Variants in SOX7 observed in about 807,000 individuals in gnomAD.
The protein encoded by SOX7 is SRY-box transcription factor 7.
A neutral mutation model predicts 24.9 loss-of-function variants in SOX7; 19 were observed. The observed-to-expected ratio is 0.76, with a 90% CI of 0.53 to 1.12. SOX7 has a LOEUF of 1.12. Ranked by LOEUF, SOX7 falls within the 50% of genes most tolerant of loss-of-function variation. The pLI is 0.00. For synonymous variants in SOX7, 327 were observed against 244.5 expected (o/e 1.34, Z -3.15); for missense variants, 702 against 535.0 (o/e 1.31, Z -3.08).
intron 1 of SOX7, among the ~76,000 whole-genome samples, chr8:10,728,635 ATC>A (rs1183057331): frequency 6.6e-6 from 1 of 152,230 alleles, no homozygotes; most frequent in Non-Finnish European, 1.5e-5. Context: ...CGCAGGAAGC[ATC>A]TGTCTCCTGT....
In SOX7 at chr8:10,724,051, A is replaced by G. The variant is rs1800096114; in HGVS notation, c.*1687T>C. 1 of 152,282 alleles carries G rather than the reference A, an allele frequency of 6.6e-6. No homozygotes were observed. The highest frequency in any genetic ancestry group is 1.5e-5 in the Non-Finnish European group (1 of 68,046). The allele number at this position is 152,282 out of a possible 1,614,324, so 9.4% of individuals were successfully genotyped here. On this transcript the variant is annotated 3_prime_UTR_variant, in exon 2 of 2. Transcript: ENST00000304501. ...AGGACATCTTAGAAGGACAAAAAGGATTTATCAACAATACAAAACATAAGA... is the reference window on the plus strand; with the variant it reads ...AGGACATCTTAGAAGGACAAAAAGGGTTTATCAACAATACAAAACATAAGA...
At position 10,730,180 on chromosome 8, in the gene SOX7, CCG is replaced by C. The variant is rs978789581; in HGVS notation, c.238+14_238+15del. 3.8e-5 allele frequency: 56 copies of C among 1,492,456 alleles called. No homozygotes were observed. Among genetic ancestry groups the C allele is most frequent in the Non-Finnish European group, 4.5e-5 (51 of 1,123,382 alleles). 92.5% of individuals were successfully genotyped at this position (1,492,456 alleles called of 1,614,324 possible). A position where few individuals can be genotyped will look rare whatever the true frequency, so the allele number is the denominator to read the frequency against. ...CGCCCCCGGCCCCCAGCCCGCTCGGCCGCGCGCTCACTCACCCAGCATCTTGC... is the reference window on the plus strand; with the variant it reads ...CGCCCCCGGCCCCCAGCCCGCTCGGCCGCGCTCACTCACCCAGCATCTTGC... On this transcript the variant is annotated intron_variant, in intron 1 of 1. Coordinates refer to ENST00000304501, the MANE Select transcript of SOX7 (RefSeq NM_031439.4). This position sits in a 1 kb window ranked among gnomAD's most constrained non-coding sequence, Gnocchi z 4.8.
intron 1 of SOX7, among the ~76,000 whole-genome samples, chr8:10,728,018 T>C (rs1034258149): frequency 2.0e-5 from 3 of 152,208 alleles, no homozygotes; most frequent in Non-Finnish European, 4.4e-5. Context: ...AGCTTTCAAT[T>C]AACATCATTA....
chr8:10,730,211 G>A lies in SOX7; in HGVS notation c.223C>T (p.Leu75Phe). ...VQNPDLHNAE[L>F]SKMLGKSWKA... The stretch of plus-strand genomic sequence containing the variant: ...GCTCACTCACCCAGCATCTTGCTGA[G>A]CTCGGCGTTGTGCAGGTCCGGGTTC... The change falls in exon 1 of 2, where the codon CTC (leucine) becomes TTC (phenylalanine). Residue 75 changes from leucine (L) to phenylalanine (F), a missense_variant. By Grantham distance (22) the Leu-to-Phe change is conservative. Transcript: ENST00000304501. The surrounding 1 kb of genome is among the most constrained non-coding windows in gnomAD (Gnocchi z 4.8). 1 of 1,543,372 alleles carries A rather than the reference G, an allele frequency of 6.5e-7. No homozygotes were observed. Among genetic ancestry groups the A allele is most frequent in the South Asian group, 1.2e-5 (1 of 82,490 alleles).
chr8:10,729,796 G>A (rs963857753), intron 1 of SOX7, among the ~76,000 whole-genome samples: 1 of 152,194 alleles, frequency 6.6e-6, no homozygotes, highest in African/African-American at 2.4e-5. Flanking sequence ...GGCTTTTCCC[G>A]CTTCGGTATT....
chr8:10,728,543 A>C (rs1800198671), intron 1 of SOX7, among the ~76,000 whole-genome samples: 1 of 152,258 alleles, frequency 6.6e-6, no homozygotes, highest in Non-Finnish European at 1.5e-5. Context: ...TACATGGCTC[A>C]GCAGGAAGGA....
intron 1 of SOX7, among the ~76,000 whole-genome samples, chr8:10,728,915 T>C (rs1800206996): frequency 6.6e-6 from 1 of 152,244 alleles, no homozygotes; most frequent in African/African-American, 2.4e-5. Context: ...AAATAAAATG[T>C]TTTATTATTG....
chr8:10,726,408 G>A lies in SOX7; in HGVS notation c.497C>T (p.Ser166Phe), dbSNP rs529251430. The change falls in exon 2 of 2, where the codon TCC (serine) becomes TTC (phenylalanine). Residue 166 changes from serine to phenylalanine, a missense_variant. Coordinates refer to ENST00000304501, the MANE Select transcript of SOX7 (RefSeq NM_031439.4). Reference protein sequence around the residue: ...LGEKEDRGEYSPGTALPSLRG... With the variant: ...LGEKEDRGEYFPGTALPSLRG... ...GAGGCTGGGCAGGGCAGTGCCGGGG[G>A]AGTACTCACCCCTGTCCTCCTTCTC... The A allele has an allele frequency of 3.7e-6, 6 of 1,612,228 alleles. No individual in the cohort carries two copies. The highest frequency in any genetic ancestry group is 2.2e-5 in the East Asian group (1 of 44,850).
Position 10,725,871 on chromosome 8 carries a change from G to A in SOX7, c.1034C>T (p.Ala345Val), listed in dbSNP as rs139062329. Residue 345 changes from alanine (A) to valine (V), a missense_variant, in exon 2 of 2, where the codon GCC (alanine) becomes GTC (valine). By Grantham distance (64) the Ala-to-Val change is moderately conservative. Coordinates refer to ENST00000304501, the MANE Select transcript of SOX7 (RefSeq NM_031439.4). ...YLNTPGHPDS[A>V]TGAMALSGHV... ...CCCACTGAGGGCCATGGCCCCTGTG[G>A]CGGAGTCTGGGTGGCCAGGAGTGTT... The A allele has an allele frequency of 2.5e-6, 4 of 1,614,234 alleles. No individual in the cohort carries two copies. The highest frequency in any genetic ancestry group is 3.4e-6 in the Non-Finnish European group (4 of 1,180,032).
rs542099825 is a variant in SOX7, at chr8:10,725,619, T to C, written c.*119A>G. On this transcript the variant is annotated 3_prime_UTR_variant, in exon 2 of 2. Coordinates refer to ENST00000304501, the MANE Select transcript of SOX7 (RefSeq NM_031439.4). ...TAGGCCAAAGGCTCTGGGGCCGCAG[T>C]TCAGACCTCCCTGCCCTGAGCGGTG... The C allele has an allele frequency of 3.1e-5, 34 of 1,105,660 alleles. No homozygotes were observed. In the East Asian group the frequency reaches 8.2e-4, roughly 27 times the overall value. 68.5% of individuals were successfully genotyped at this position (1,105,660 alleles called of 1,614,324 possible). A position where few individuals can be genotyped will look rare whatever the true frequency, so the allele number is the denominator to read the frequency against.
In SOX7 at chr8:10,730,499, G is replaced by T; in HGVS notation, c.-66C>A. ...CGCGGACCTGGCCCTCGCACGGGTCGGGGCGTCCAACTTGGCCCGCAGCCG... is the reference window on the plus strand; with the variant it reads ...CGCGGACCTGGCCCTCGCACGGGTCTGGGCGTCCAACTTGGCCCGCAGCCG... On this transcript the variant is annotated 5_prime_UTR_variant, in exon 1 of 2. Coordinates refer to ENST00000304501, the MANE Select transcript of SOX7 (RefSeq NM_031439.4). This position sits in a 1 kb window ranked among gnomAD's most constrained non-coding sequence, Gnocchi z 4.8. 8.3e-7 allele frequency: 1 copy of T among 1,201,046 alleles called. No homozygotes were observed. The highest frequency in any genetic ancestry group is 2.0e-5 in the South Asian group (1 of 50,616). 74.4% of individuals were successfully genotyped at this position (1,201,046 alleles called of 1,614,324 possible). A position where few individuals can be genotyped will look rare whatever the true frequency, so the allele number is the denominator to read the frequency against.
intron 1 of SOX7, 69 bp from the exon 2 acceptor site, chr8:10,726,735 T>C (rs1163928004): frequency 1.2e-5 from 17 of 1,399,876 alleles, no homozygotes; most frequent in Non-Finnish European, 1.6e-5. Context: ...TGCACACGCG[T>C]GCACACACAC....
chr8:10,725,414 C>T lies in SOX7; in HGVS notation c.*324G>A, dbSNP rs1000259362. The stretch of plus-strand genomic sequence containing the variant: ...GGGACCTTGGCTATCAAGTCTGTCC[C>T]CCCATTAGTTTCGATGATGGCTACC... On this transcript the variant is annotated 3_prime_UTR_variant, in exon 2 of 2. Coordinates refer to ENST00000304501, the MANE Select transcript of SOX7 (RefSeq NM_031439.4). 3.3e-5 allele frequency: 12 copies of T among 366,106 alleles called. No individual in the cohort carries two copies. The highest frequency in any genetic ancestry group is 5.0e-5 in the Non-Finnish European group (10 of 200,652). 22.7% of individuals were successfully genotyped at this position (366,106 alleles called of 1,614,324 possible). A position where few individuals can be genotyped will look rare whatever the true frequency, so the allele number is the denominator to read the frequency against.
intron 1 of SOX7, among the ~76,000 whole-genome samples, chr8:10,726,905 G>A (rs1184605420): frequency 6.6e-6 from 1 of 152,140 alleles, no homozygotes; most frequent in Non-Finnish European, 1.5e-5. Context: ...CACACAGAAA[G>A]CATCACCTCT....
At position 10,725,570 on chromosome 8, in the gene SOX7, C is replaced by A; in HGVS notation, c.*168G>T. 1 of 650,276 alleles carries A rather than the reference C, an allele frequency of 1.5e-6. No homozygotes were observed. Among genetic ancestry groups the A allele is most frequent in the Non-Finnish European group, 2.6e-6 (1 of 380,098 alleles). 40.3% of individuals were successfully genotyped at this position (650,276 alleles called of 1,614,324 possible). On this transcript the variant is annotated 3_prime_UTR_variant, in exon 2 of 2. Transcript: ENST00000304501. ...AACGTGGGGAAGGGGATAGAGGCGGCACTCGGATAAGGAGAGTCCAGCTTA... is the reference window on the plus strand; with the variant it reads ...AACGTGGGGAAGGGGATAGAGGCGGAACTCGGATAAGGAGAGTCCAGCTTA...
chr8:10,727,312 C>T lies in SOX7; in HGVS notation c.239-646G>A, dbSNP rs115146616. Among the ~76,000 whole-genome samples, 549 of 152,258 alleles carry T rather than the reference C, an allele frequency of 3.6e-3. 4 individuals are homozygous for T. The highest frequency in any genetic ancestry group is 0.012 in the African/African-American group (509 of 41,562). On this transcript the variant is annotated intron_variant, in intron 1 of 1. Transcript: ENST00000304501. ...AGGCCAGAATGCTAGCATCTGCTTG[C>T]AACACATATACGCACACCCAGACAC...
chr8:10,730,491 C>T lies in SOX7; in HGVS notation c.-58G>A. The stretch of plus-strand genomic sequence containing the variant: ...GGGGCAGGCGCGGACCTGGCCCTCG[C>T]ACGGGTCGGGGCGTCCAACTTGGCC... On this transcript the variant is annotated 5_prime_UTR_variant, in exon 1 of 2. Transcript: ENST00000304501. The surrounding 1 kb of genome is among the most constrained non-coding windows in gnomAD (Gnocchi z 4.8). The T allele has an allele frequency of 7.8e-7, 1 of 1,281,262 alleles. No homozygotes were observed. Among genetic ancestry groups the T allele is most frequent in the South Asian group, 1.8e-5 (1 of 56,794 alleles). 79.4% of individuals were successfully genotyped at this position (1,281,262 alleles called of 1,614,324 possible). A position where few individuals can be genotyped will look rare whatever the true frequency, so the allele number is the denominator to read the frequency against.
Position 10,726,026 on chromosome 8 carries a change from G to C in SOX7, c.879C>G (p.His293Gln). Residue 293 changes from histidine (H) to glutamine (Q), a missense_variant, in exon 2 of 2, where the codon CAC becomes CAG. Physicochemically the swap from His to Gln is conservative, Grantham distance 24. Coordinates refer to ENST00000304501, the MANE Select transcript of SOX7 (RefSeq NM_031439.4). ...YYSPATYHPL[H>Q]SNLQAHLGQL... ...GGCCCAGGTGGGCTTGGAGGTTGGAGTGGAGTGGGTGGTAGGTGGCCGGGG... is the reference window on the plus strand; with the variant it reads ...GGCCCAGGTGGGCTTGGAGGTTGGACTGGAGTGGGTGGTAGGTGGCCGGGG... 6.3e-7 allele frequency: 1 copy of C among 1,579,050 alleles called. No individual in the cohort carries two copies. The highest frequency in any genetic ancestry group is 8.6e-7 in the Non-Finnish European group (1 of 1,161,446).
At chr8:10,727,404 G>A (rs1369604354) in intron 1 of SOX7, among the ~76,000 whole-genome samples, 4 of 152,212 alleles carry the variant, frequency 2.6e-5, no homozygotes, top group South Asian at 2.1e-4. Context: ...GACCCTTGAC[G>A]GTGCCAGGGC....
Sources: gnomAD v4.1 joint callset for allele counts (sites outside exome capture counted in the v4.1 genomes callset) on GRCh38, gnomAD v4.1.1 for gene constraint, Gnocchi (gnomAD v3.1) non-coding constraint, MANE v1.5 for transcripts, NCBI Gene and HGNC (gene_info 2026-07-23, HGNC 2026-07-21) for gene names.